Variants in MSH6 observed in about 807,000 individuals in gnomAD.
MSH6 encodes the protein mutS homolog 6.
MSH6 carries 85 observed loss-of-function variants against 119.1 expected under a neutral mutation model. The observed-to-expected ratio is 0.71, with a 90% CI of 0.60 to 0.85. The LOEUF is 0.85. MSH6 is among the 40% of genes least tolerant of loss of function. The probability of loss-of-function intolerance (pLI) is 0.00; values close to 1 mark genes in which losing one functional copy is unlikely to be tolerated. For missense variants in MSH6, 2,163 were observed against 1,655.3 expected (o/e 1.31, Z -5.32); for synonymous variants, 830 against 586.9 (o/e 1.41, Z -5.99).
chr2:47,805,790 A>T, intron 7 of MSH6, 83 bp downstream of exon 7: 1 of 1,094,944 alleles, frequency 9.1e-7, no homozygotes, highest in Non-Finnish European at 1.4e-6. Context: ...AGATTATCTG[A>T]AGTACATTTA....
Position 47,806,858 on chromosome 2 carries a change from T to C in MSH6, c.4081T>C (p.Ter1361GlnextTer29), listed in dbSNP as rs765098678. ...HKLLTLIKEL[*>Q] ...ATTGCTGACTTTGATTAAGGAATTA[T>C]AGACTGACTACATTGGAAGCTTTGA... Residue 1361 changes from the stop codon to glutamine, a stop_lost, in exon 10 of 10, where the codon TAG (stop) becomes CAG (glutamine). Transcript: ENST00000234420. 7 of 1,608,022 alleles carry C rather than the reference T, an allele frequency of 4.4e-6. No homozygotes were observed. The South Asian group carries it at 4.4e-5, about 10-fold the overall frequency.
chr2:47,799,329 T>C lies in MSH6; in HGVS notation c.1346T>C (p.Leu449Pro), dbSNP rs63750741. The C allele has an allele frequency of 5.0e-6, 8 of 1,613,994 alleles. No individual in the cohort carries two copies. Among genetic ancestry groups the C allele is most frequent in the Non-Finnish European group, 6.8e-6 (8 of 1,180,014 alleles). ...DALIGVSELGLVFMKGNWAHS... is the reference protein window; with the variant it reads ...DALIGVSELGPVFMKGNWAHS... Reference sequence around the variant, plus strand: ...CTTATTGGAGTCAGTGAACTGGGGCTGGTATTCATGAAAGGCAACTGGGCC... The same window carrying C: ...CTTATTGGAGTCAGTGAACTGGGGCCGGTATTCATGAAAGGCAACTGGGCC... Residue 449 changes from leucine (L) to proline (P), a missense_variant, in exon 4 of 10, where the codon CTG becomes CCG. Leu to Pro is a moderately conservative substitution (Grantham distance 98). Transcript: ENST00000234420.
At chr2:47,784,177 G>C in intron 1 of MSH6, 1 of 1,002,926 alleles carries the variant, frequency 1.0e-6, no homozygotes, top group Non-Finnish European at 1.2e-6. Flanking sequence ...GGACCGCGGG[G>C]CCTAATTGGG....
rs2104334770 is a variant in MSH6 at position 47,799,285 on chromosome 2, G to A, written c.1302G>A (p.Glu434=). The A allele has an allele frequency of 1.9e-6, 3 of 1,613,992 alleles. No individual in the cohort carries two copies. Among genetic ancestry groups the A allele is most frequent in the Non-Finnish European group, 2.5e-6 (3 of 1,180,024 alleles). Residue 434 remains glutamate (E), a synonymous_variant, in exon 4 of 10, where the codon GAG becomes GAA. Coordinates refer to ENST00000234420, the MANE Select transcript of MSH6 (RefSeq NM_000179.3). ...VICYKVGKFY[E]LYHMDALIGV... ...GTTACAAGGTGGGGAAATTTTATGA[G>A]CTGTACCACATGGATGCTCTTATTG...
At chr2:47,808,568 G>T, downstream of MSH6, 1 of 598,368 alleles carries the variant, frequency 1.7e-6, no homozygotes, top group Non-Finnish European at 2.7e-6. Context: ...GATTAATTCT[G>T]AAAAGGAACT....
intron 1 of MSH6, chr2:47,783,746 G>A (rs1050853148): frequency 4.1e-6 from 2 of 492,184 alleles, no homozygotes; most frequent in Non-Finnish European, 6.4e-6. Flanking sequence ...GGAGAGTTCG[G>A]GCCTTTTGGA....
Position 47,804,915 on chromosome 2 carries a change from C to G in MSH6, c.3444C>G (p.Gly1148=), listed in dbSNP as rs1572738334. Residue 1148 remains glycine (G), a synonymous_variant, in exon 6 of 10, where the codon GGC becomes GGG. Coordinates refer to ENST00000234420, the MANE Select transcript of MSH6 (RefSeq NM_000179.3). ...TTTTCCTCCCTCATTCACAGGCTGG[C>G]TTATTAGCTGTAATGGCCCAGATGG... The part of the protein sequence containing the change: ...GGKSTLMRQA[G]LLAVMAQMGC... 1 of 1,613,436 alleles carries G rather than the reference C, an allele frequency of 6.2e-7. No homozygotes were observed.
rs863224327 is a variant in MSH6, at chr2:47,800,002, A to G, written c.2019A>G (p.Pro673=). Residue 673 remains proline (P), a synonymous_variant, in exon 4 of 10, where the codon CCA becomes CCG. Transcript: ENST00000234420. ...TSESDSIGLT[P]GEKSELALSA... ...AGTCTGATTCCATTGGGTTGACACC[A>G]GGAGAGAAAAGTGAATTGGCCCTCT... 3 of 1,614,084 alleles carry G rather than the reference A, an allele frequency of 1.9e-6. No homozygotes were observed. The highest frequency in any genetic ancestry group is 1.7e-5 in the Admixed American group (1 of 60,010).
rs548898238 is a variant in MSH6 at position 47,799,011 on chromosome 2, C to G, written c.1028C>G (p.Pro343Arg). Residue 343 changes from proline (P) to arginine (R), a missense_variant, in exon 4 of 10, where the codon CCT (proline) becomes CGT (arginine). By Grantham distance (103) the Pro-to-Arg change is moderately radical. Transcript: ENST00000234420. ...TKNTLRAFSA[P>R]QNSESQAHVS... The stretch of plus-strand genomic sequence containing the variant: ...AATACTTTGAGAGCTTTCTCTGCCC[C>G]TCAAAATTCTGAATCCCAAGCCCAC... The G allele has an allele frequency of 1.2e-6, 2 of 1,614,220 alleles. No homozygotes were observed. Among genetic ancestry groups the G allele is most frequent in the Non-Finnish European group, 1.7e-6 (2 of 1,180,044 alleles).
Position 47,799,830 on chromosome 2 carries a change from C to G in MSH6, c.1847C>G (p.Ser616Cys), listed in dbSNP as rs772363120. Residue 616 changes from serine (S) to cysteine (C), a missense_variant, in exon 4 of 10, where the codon TCT (serine) becomes TGT (cysteine). Ser to Cys is a moderately radical substitution (Grantham distance 112). Coordinates refer to ENST00000234420, the MANE Select transcript of MSH6 (RefSeq NM_000179.3). ...ATTCTAAAGAGTTCATTGTCCTGTT[C>G]TCTTCAGGAAGGTCTGATACCCGGC... ...KTILKSSLSC[S>C]LQEGLIPGSQ... 19 of 1,614,120 alleles carry G rather than the reference C, an allele frequency of 1.2e-5. No individual in the cohort carries two copies. The Admixed American group carries it at 3.2e-4, about 27-fold the overall frequency.
At position 47,783,493 on chromosome 2, in the gene MSH6, G is replaced by C. The variant is rs1114167734; in HGVS notation, c.260G>C (p.Ser87Thr). Reference protein sequence around the residue: ...RRSVAPAAPTSCDFSPGDLVW... With the variant: ...RRSVAPAAPTTCDFSPGDLVW... ...TCGGTAGCGCCTGCTGCCCCCACCAGGTAGCGGGGTGGGGGTGGGGTCGAA... is the reference window on the plus strand; with the variant it reads ...TCGGTAGCGCCTGCTGCCCCCACCACGTAGCGGGGTGGGGGTGGGGTCGAA... Residue 87 changes from serine to threonine, a missense_variant and splice_region_variant, in exon 1 of 10, where the codon AGT becomes ACT. Coordinates refer to ENST00000234420, the MANE Select transcript of MSH6 (RefSeq NM_000179.3). 3 of 1,424,514 alleles carry C rather than the reference G, an allele frequency of 2.1e-6. No homozygotes were observed. The highest frequency in any genetic ancestry group is 2.8e-6 in the Non-Finnish European group (3 of 1,089,078). The allele number at this position is 1,424,514 out of a possible 1,614,324, so 88.2% of individuals were successfully genotyped here.
Position 47,796,969 on chromosome 2 carries a change from A to C in MSH6, c.627+906A>C, listed in dbSNP as rs1216262297. On this transcript the variant is annotated intron_variant, in intron 3 of 9. Transcript: ENST00000234420. ...TTCCAGCCAGGGTGACAGAGCAAGAAGACTGTCAACAACAACAAAAAATGT... is the reference window on the plus strand; with the variant it reads ...TTCCAGCCAGGGTGACAGAGCAAGACGACTGTCAACAACAACAAAAAATGT... 2.0e-5 allele frequency among the ~76,000 whole-genome samples: 3 copies of C among 152,188 alleles called. 1 individual carries two copies. The highest frequency in any genetic ancestry group is 4.4e-5 in the Non-Finnish European group (3 of 68,030).
chr2:47,787,402 A>G (rs1460668452), intron 1 of MSH6, among the ~76,000 whole-genome samples: 1 of 152,214 alleles, frequency 6.6e-6, no homozygotes, highest in Non-Finnish European at 1.5e-5. Flanking sequence ...GTGATTTTAA[A>G]CCAGAATTCA....
At chr2:47,794,037 T>C (rs2908441) in intron 2 of MSH6, among the ~76,000 whole-genome samples, 151,707 of 151,710 alleles carry the variant, frequency 1, 75,852 homozygotes, top group Middle Eastern at 1. Flanking sequence ...CCCAGAATGA[T>C]TTTTAAAAAG....
At chr2:47,808,709 G>C, downstream of MSH6, 1 of 342,114 alleles carries the variant, frequency 2.9e-6, no homozygotes, top group Admixed American at 4.3e-5. Context: ...ACAATTTTTG[G>C]AGGCGTGAAG....
chr2:47,783,664 AT>A, intron 1 of MSH6, 171 bp downstream of exon 1: 2 of 626,620 alleles, frequency 3.2e-6, no homozygotes, highest in Non-Finnish European at 4.9e-6. Flanking sequence ...AGTCTGGAGC[AT>A]TTGGGGGTGT....
intron 5 of MSH6, 67 bp downstream of exon 5, chr2:47,803,752 G>A (rs1558388033): frequency 1.3e-6 from 2 of 1,586,792 alleles, no homozygotes; most frequent in Non-Finnish European, 1.7e-6. Context: ...ATACTTAGGT[G>A]ATCATTTTCC....
chr2:47,796,112 G>T, intron 3 of MSH6, 49 bp downstream of exon 3: 2 of 1,590,074 alleles, frequency 1.3e-6, no homozygotes, highest in Non-Finnish European at 1.7e-6. Flanking sequence ...GGTGATGGGG[G>T]AAGAAAGGGG....
intron 1 of MSH6, among the ~76,000 whole-genome samples, chr2:47,788,907 C>A (rs13035849): frequency 1.7e-4 from 3 of 17,294 alleles, no homozygotes; most frequent in African/African-American, 5.3e-4. Context: ...TTTCTTCTTC[C>A]TTTTTTTTTT....
Sources: gnomAD v4.1 joint callset for allele counts (sites outside exome capture counted in the v4.1 genomes callset) on GRCh38, gnomAD v4.1.1 for gene constraint, MANE v1.5 for transcripts, NCBI Gene and HGNC (gene_info 2026-07-23, HGNC 2026-07-21) for gene names.